VPS53: variants seen among roughly 807,000 people sequenced by gnomAD.
VPS53 encodes vacuolar protein sorting-associated protein 53 homolog.
Under a neutral mutation model 107.0 loss-of-function variants are expected in VPS53, and 70 were observed. The observed-to-expected ratio is 0.65, with a 90% confidence interval of 0.54 to 0.80. VPS53 has a LOEUF of 0.80. Among genes scored for constraint, VPS53 ranks in the 30% least tolerant of loss-of-function variants. The pLI is 0.00. For missense variants in VPS53, 917 were observed against 1,049.4 expected (o/e 0.87, Z 1.74); for synonymous variants, 409 against 393.3 (o/e 1.04, Z -0.47).
intron 15 of VPS53, among the ~76,000 whole-genome samples, chr17:556,912 T>G (rs1567623080): frequency 1.4e-5 from 2 of 143,898 alleles, no homozygotes; most frequent in Non-Finnish European, 3.0e-5. Flanking sequence ...GCCTCTCTGC[T>G]GAAGGGGGGT....
At chr17:662,935 G>A (rs895790191) in intron 4 of VPS53, among the ~76,000 whole-genome samples, 6 of 151,088 alleles carry the variant, frequency 4.0e-5, no homozygotes, top group African/African-American at 1.5e-4. Flanking sequence ...GAAAGCTAAT[G>A]GTGGCTCACA....
intron 17 of VPS53, among the ~76,000 whole-genome samples, chr17:545,792 T>C (rs1385535896): frequency 6.6e-6 from 1 of 152,156 alleles, no homozygotes; most frequent in Non-Finnish European, 1.5e-5. Flanking sequence ...AATGATTACA[T>C]AACAAAGCAG....
At chr17:620,103 AAGT>A (rs1969405921) in intron 11 of VPS53, among the ~76,000 whole-genome samples, 1 of 152,170 alleles carries the variant, frequency 6.6e-6, no homozygotes, top group Non-Finnish European at 1.5e-5. Flanking sequence ...GCAAGCAGAG[AAGT>A]ATACATATTT....
At chr17:545,109 A>C (rs928563256) in intron 17 of VPS53, among the ~76,000 whole-genome samples, 1 of 152,172 alleles carries the variant, frequency 6.6e-6, no homozygotes, top group Non-Finnish European at 1.5e-5. Context: ...ACACTATGGG[A>C]AGGAAACGTG....
chr17:518,969 T>A lies in VPS53; in HGVS notation c.*159A>T, dbSNP rs1257057399. On this transcript the variant is annotated 3_prime_UTR_variant, in exon 22 of 22. Coordinates refer to ENST00000437048, the MANE Select transcript of VPS53 (RefSeq NM_001128159.3). ...CAGCGTCTCCGATTAGGGCAGGAAG[T>A]AAGACAGGGCATGGGAGAGACTCAG... The A allele has an allele frequency of 1.3e-6, 1 of 777,102 alleles. No individual in the cohort carries two copies. The highest frequency in any genetic ancestry group is 3.5e-5 in the Admixed American group (1 of 28,984). 48.1% of individuals were successfully genotyped at this position (777,102 alleles called of 1,614,324 possible). A position where few individuals can be genotyped will look rare whatever the true frequency, so the allele number is the denominator to read the frequency against.
chr17:648,877 G>A (rs1214565636), intron 7 of VPS53, among the ~76,000 whole-genome samples: 1 of 135,244 alleles, frequency 7.4e-6, no homozygotes, highest in Non-Finnish European at 1.6e-5. Context: ...GGAGGACAGA[G>A]GAATGGAACA....
At chr17:587,466 A>G (rs182787919) in intron 12 of VPS53, among the ~76,000 whole-genome samples, 2,136 of 152,326 alleles carry the variant, frequency 0.014, 23 homozygotes, top group Middle Eastern at 0.024. Context: ...TCAGATAGAT[A>G]GAGAGAGAGA....
chr17:606,703 G>A (rs1331368005), intron 11 of VPS53, among the ~76,000 whole-genome samples: 1 of 152,178 alleles, frequency 6.6e-6, no homozygotes, highest in Non-Finnish European at 1.5e-5. Context: ...GAGTGAGCAT[G>A]ACTGCCTGGG....
At chr17:704,572 C>T (rs542721753) in intron 2 of VPS53, among the ~76,000 whole-genome samples, 1 of 152,324 alleles carries the variant, frequency 6.6e-6, no homozygotes, top group South Asian at 2.1e-4. Context: ...CCACAGGAAT[C>T]TGGCTTAGAT....
chr17:620,751 C>T (rs1969435356), intron 11 of VPS53, among the ~76,000 whole-genome samples: 1 of 150,540 alleles, frequency 6.6e-6, no homozygotes, highest in Non-Finnish European at 1.5e-5. Context: ...ACCTTGGCAG[C>T]ACCCACCACC....
At chr17:620,608 T>C (rs1249608215) in intron 11 of VPS53, among the ~76,000 whole-genome samples, 1 of 151,994 alleles carries the variant, frequency 6.6e-6, no homozygotes, top group Non-Finnish European at 1.5e-5. Context: ...TAAACGCACC[T>C]AATATAGCGT....
Position 623,574 on chromosome 17 carries a change from C to G in VPS53, c.1075G>C (p.Ala359Pro), listed in dbSNP as rs147350873. Residue 359 changes from alanine to proline, a missense_variant, in exon 11 of 22, where the codon GCA (alanine) becomes CCA (proline). By Grantham distance (27) the Ala-to-Pro change is conservative. Transcript: ENST00000437048. The part of the protein sequence containing the change: ...QRTTNFEGFL[A>P]KRFSGCTLTD... ...AGGGTGCAGCCGGAGAAGCGTTTTGCAAGAAACCCCTCAAAGTTAGTTGTT... is the reference window on the plus strand; with the variant it reads ...AGGGTGCAGCCGGAGAAGCGTTTTGGAAGAAACCCCTCAAAGTTAGTTGTT... 57 of 1,613,646 alleles carry G rather than the reference C, an allele frequency of 3.5e-5. No homozygotes were observed. Among genetic ancestry groups the G allele is most frequent in the Non-Finnish European group, 4.8e-5 (57 of 1,179,754 alleles).
intron 12 of VPS53, among the ~76,000 whole-genome samples, chr17:599,614 C>T (rs1240268485): frequency 2.7e-5 from 4 of 150,006 alleles, no homozygotes; most frequent in Non-Finnish European, 3.0e-5. Context: ...ACAAACACTG[C>T]GGAAGGCCTC....
chr17:641,479 G>A (rs963901140), intron 7 of VPS53, among the ~76,000 whole-genome samples: 2 of 152,180 alleles, frequency 1.3e-5, no homozygotes, highest in Non-Finnish European at 2.9e-5. Context: ...AGATTTCCTA[G>A]TCATTCCTTT....
At chr17:548,851 G>GC (rs1255376637) in intron 17 of VPS53, among the ~76,000 whole-genome samples, 5 of 152,188 alleles carry the variant, frequency 3.3e-5, no homozygotes, top group South Asian at 2.1e-4. Flanking sequence ...TGTTTGAACT[G>GC]CCCTACTAAT....
intron 7 of VPS53, among the ~76,000 whole-genome samples, chr17:635,755 C>T (rs1046201645): frequency 7.2e-5 from 11 of 152,198 alleles, no homozygotes; most frequent in Admixed American, 2.0e-4. Context: ...CATTGATCTA[C>T]ATCTCTGTTT....
intron 5 of VPS53, chr17:656,806 C>T (rs763982520): frequency 8.2e-5 from 127 of 1,543,354 alleles, no homozygotes; most frequent in Non-Finnish European, 1.0e-4. Flanking sequence ...ACCCGCTGCT[C>T]TGTTTGGCCG....
At chr17:543,667 C>CT (rs1210216527) in intron 17 of VPS53, among the ~76,000 whole-genome samples, 1 of 151,456 alleles carries the variant, frequency 6.6e-6, no homozygotes, top group African/African-American at 2.4e-5. Flanking sequence ...AGATAGAATC[C>CT]TTTGTATTTC....
At chr17:632,971 T>G (rs1970025136) in intron 7 of VPS53, 2 of 352,018 alleles carry the variant, frequency 5.7e-6, no homozygotes, top group Admixed American at 3.9e-5. Flanking sequence ...TGAGGGCCAC[T>G]GAGTGACCAT....
Sources: allele counts gnomAD v4.1 joint callset (sites outside exome capture counted in the v4.1 genomes callset), GRCh38; gene constraint gnomAD v4.1.1; transcripts MANE v1.5; gene names NCBI Gene and HGNC (gene_info 2026-07-23, HGNC 2026-07-21).